XKR3: variants seen among roughly 807,000 people sequenced by gnomAD.
XKR3 encodes the protein XK related 3.
Under a neutral mutation model 40.3 loss-of-function variants are expected in XKR3, and 27 were observed. The observed-to-expected ratio is 0.67, with a 90% confidence interval of 0.49 to 0.92. The LOEUF is 0.92. Among genes scored for constraint, XKR3 ranks in the 40% least tolerant of loss-of-function variants. XKR3 has a pLI of 0.00. For missense variants in XKR3, 472 were observed against 537.6 expected, an observed-to-expected ratio of 0.88 and a Z score of 1.21; for synonymous variants, 193 against 195.4, an observed-to-expected ratio of 0.99 and a Z score of 0.10.
chr22:16,785,800 A>C (rs2060087878), intron 3 of XKR3, among the ~76,000 whole-genome samples: 1 of 152,110 alleles, frequency 6.6e-6, no homozygotes, highest in African/African-American at 2.4e-5. Flanking sequence ...GTGAACCAGG[A>C]TAGCGCCACT....
chr22:16,813,788 A>G (rs1472793191), intron 1 of XKR3, among the ~76,000 whole-genome samples: 1 of 152,228 alleles, frequency 6.6e-6, no homozygotes, highest in Non-Finnish European at 1.5e-5. Context: ...TGTTCCCACT[A>G]GCAATTGGAT....
At position 16,808,077 on chromosome 22, in the gene XKR3, C is replaced by T. The variant is rs778045201; in HGVS notation, c.-4G>A. On this transcript the variant is annotated 5_prime_UTR_variant, in exon 2 of 4. Transcript: ENST00000684488. ...TCTCTTCAAACACTGTCTCCATTCT[C>T]AGGGTGCTGCTAATTCAAAGTCGTC... 13 of 1,586,038 alleles carry T rather than the reference C, an allele frequency of 8.2e-6. No homozygotes were observed. In the African/African-American group the frequency reaches 1.5e-4, roughly 18 times the overall value.
intron 2 of XKR3, among the ~76,000 whole-genome samples, chr22:16,803,431 T>C (rs1280809801): frequency 3.3e-5 from 5 of 152,144 alleles, no homozygotes; most frequent in African/African-American, 1.2e-4. Flanking sequence ...AGCAACTCCA[T>C]CTTAAACAGG....
chr22:16,789,497 T>G (rs1601839487), intron 3 of XKR3, among the ~76,000 whole-genome samples: 2 of 152,204 alleles, frequency 1.3e-5, no homozygotes, highest in African/African-American at 4.8e-5. Context: ...ATTCTGAAAA[T>G]TATGAAGTAT....
chr22:16,794,294 A>G lies in XKR3; in HGVS notation c.589+5477T>C, dbSNP rs1305104711. Among the ~76,000 whole-genome samples the G allele has an allele frequency of 2.2e-4, 33 of 152,254 alleles. No individual in the cohort carries two copies. The South Asian group carries it at 3.5e-3, about 16-fold the overall frequency. Reference sequence around the variant, plus strand: ...TGCAAAAAGAAACAAACAAACAAACAAAAGAAAGGAAACAAACACGAAAAT... The same window carrying G: ...TGCAAAAAGAAACAAACAAACAAACGAAAGAAAGGAAACAAACACGAAAAT... On this transcript the variant is annotated intron_variant, in intron 3 of 3. Transcript: ENST00000684488.
chr22:16,792,949 G>A (rs73382101), intron 3 of XKR3, among the ~76,000 whole-genome samples: 3,086 of 152,186 alleles, frequency 0.02, 106 homozygotes, highest in African/African-American at 0.07. Context: ...TCCTATTCAC[G>A]TATACTTGAA....
chr22:16,799,331 G>A (rs189278506), intron 3 of XKR3, among the ~76,000 whole-genome samples: 272 of 147,934 alleles, frequency 1.8e-3, no homozygotes, highest in African/African-American at 6.6e-3. Context: ...GAAGAATGGC[G>A]TGAACCTGGG....
intron 1 of XKR3, among the ~76,000 whole-genome samples, chr22:16,816,370 T>C (rs1271703501): frequency 2.1e-5 from 1 of 47,772 alleles, no homozygotes; most frequent in South Asian, 5.0e-4. Flanking sequence ...CTTTCTGTAG[T>C]TATTCATTTT....
chr22:16,794,444 G>A (rs1180222876), intron 3 of XKR3, among the ~76,000 whole-genome samples: 1 of 151,438 alleles, frequency 6.6e-6, no homozygotes, highest in Non-Finnish European at 1.5e-5. Flanking sequence ...AAAAATCCAA[G>A]AATTTTATAT....
intron 1 of XKR3, among the ~76,000 whole-genome samples, chr22:16,818,422 T>C (rs894598056): frequency 1.3e-5 from 2 of 152,110 alleles, no homozygotes; most frequent in African/African-American, 4.8e-5. Context: ...TCCCACATAA[T>C]GGACTATAGA....
intron 3 of XKR3, among the ~76,000 whole-genome samples, chr22:16,786,256 G>GCGCACACACACACACACA (rs1555895915): frequency 2.0e-5 from 3 of 148,596 alleles, no homozygotes; most frequent in South Asian, 2.2e-4. Flanking sequence ...CAAAACGCGT[G>GCGCACACACACACACACA]CACACACACA....
In XKR3 at chr22:16,784,163, G is replaced by A. The variant is rs1209221931; in HGVS notation, c.836C>T (p.Pro279Leu). Residue 279 changes from proline (P) to leucine (L), a missense_variant, in exon 4 of 4, where the codon CCG becomes CTG. Physicochemically the swap from Pro to Leu is moderately conservative, Grantham distance 98. Transcript: ENST00000684488. ...LIIYFVSLLA[P>L]WLEFWKSGAH... Reference sequence around the variant, plus strand: ...TCCACTTTTCCAAAACTCCAGCCACGGTGCCAACAATGATACAAAATATAT... The same window carrying A: ...TCCACTTTTCCAAAACTCCAGCCACAGTGCCAACAATGATACAAAATATAT... 8.1e-6 allele frequency: 13 copies of A among 1,614,016 alleles called. No homozygotes were observed. The highest frequency in any genetic ancestry group is 4.0e-5 in the African/African-American group (3 of 74,900).
Position 16,807,892 on chromosome 22 carries a change from G to A in XKR3, c.182C>T (p.Ala61Val), listed in dbSNP as rs745674677. ...GLYMFEIYRK[A>V]NDTFWMSFTI... The stretch of plus-strand genomic sequence containing the variant: ...AAATGACATCCAGAATGTGTCATTA[G>A]CTTTTCGATAAATTTCAAACATGTA... Residue 61 changes from alanine to valine, a missense_variant, in exon 2 of 4, where the codon GCT (alanine) becomes GTT (valine). Coordinates refer to ENST00000684488, the MANE Select transcript of XKR3 (RefSeq NM_001386955.1). The A allele has an allele frequency of 6.2e-7, 1 of 1,614,018 alleles. No individual in the cohort carries two copies. The highest frequency in any genetic ancestry group is 8.5e-7 in the Non-Finnish European group (1 of 1,179,934).
intron 1 of XKR3, among the ~76,000 whole-genome samples, chr22:16,820,502 G>C (rs1363184521): frequency 6.6e-6 from 1 of 152,044 alleles, no homozygotes; most frequent in Non-Finnish European, 1.5e-5. Context: ...ATTTAACATG[G>C]ACCTGGGTGC....
chr22:16,822,080 A>G (rs1240919593), intron 1 of XKR3, among the ~76,000 whole-genome samples: 1 of 152,174 alleles, frequency 6.6e-6, no homozygotes, highest in African/African-American at 2.4e-5. Flanking sequence ...AAATGACAAA[A>G]ACTGAAAATG....
intron 2 of XKR3, among the ~76,000 whole-genome samples, chr22:16,805,873 C>T (rs772049194): frequency 3.9e-5 from 6 of 152,046 alleles, no homozygotes; most frequent in Admixed American, 2.6e-4. Flanking sequence ...TTTATTCATT[C>T]GCATTAGGAG....
chr22:16,788,745 A>G (rs1275464830), intron 3 of XKR3, among the ~76,000 whole-genome samples: 1 of 152,156 alleles, frequency 6.6e-6, no homozygotes, highest in Non-Finnish European at 1.5e-5. Flanking sequence ...TCCTCAACAG[A>G]ATACTGGGAA....
chr22:16,789,273 C>T (rs1277307004), intron 3 of XKR3, among the ~76,000 whole-genome samples: 2 of 152,106 alleles, frequency 1.3e-5, no homozygotes, highest in Non-Finnish European at 2.9e-5. Context: ...AAACACACCA[C>T]TAAAAAGCAG....
chr22:16,783,655 T>A lies in XKR3; in HGVS notation c.1344A>T (p.Gly448=), dbSNP rs1247601904. 6 of 1,605,938 alleles carry A rather than the reference T, an allele frequency of 3.7e-6. No individual in the cohort carries two copies. The highest frequency in any genetic ancestry group is 1.7e-5 in the Admixed American group (1 of 58,350). The change falls in exon 4 of 4, where the codon GGA becomes GGT. Residue 448 remains glycine, a synonymous_variant. Transcript: ENST00000684488. ...TCATACTTTTTCTGATTGAAAAATATCCAACCCTATTGCAGGAGTGACAGT... is the reference window on the plus strand; with the variant it reads ...TCATACTTTTTCTGATTGAAAAATAACCAACCCTATTGCAGGAGTGACAGT... ...RNYCHSCNRV[G]YFSIRKSMTC... is the part of the protein sequence containing the mutation.
Sources: gnomAD v4.1 joint callset for allele counts (sites outside exome capture counted in the v4.1 genomes callset) on GRCh38, gnomAD v4.1.1 for gene constraint, MANE v1.5 for transcripts, NCBI Gene and HGNC (gene_info 2026-07-23, HGNC 2026-07-21) for gene names.